Variants in ELP4 observed in about 807,000 individuals in gnomAD.
ELP4 encodes elongator acetyltransferase complex subunit 4, also known as elongator complex protein 4.
In ELP4, 51 loss-of-function variants were observed where a neutral mutation model predicts 48.9. The observed-to-expected ratio is 1.04, with a 90% CI of 0.83 to 1.32. The LOEUF (loss-of-function observed/expected upper bound fraction) is 1.32, where lower values mean the gene tolerates loss of function less well. Ranked by LOEUF, ELP4 falls within the 40% of genes most tolerant of loss-of-function variation. The pLI is 0.00. For synonymous variants in ELP4, 210 were observed against 189.2 expected (o/e 1.11, Z -0.90); for missense variants, 519 against 514.6 (o/e 1.01, Z -0.08).
intron 9 of ELP4, among the ~76,000 whole-genome samples, chr11:31,744,296 C>G (rs1442110457): frequency 6.6e-6 from 1 of 152,132 alleles, no homozygotes; most frequent in Admixed American, 6.5e-5. Flanking sequence ...GATTCACAGC[C>G]GAATTCTACC....
chr11:31,542,372 G>C (rs895110569), intron 3 of ELP4, among the ~76,000 whole-genome samples: 1 of 152,182 alleles, frequency 6.6e-6, no homozygotes, highest in Non-Finnish European at 1.5e-5. Context: ...TCTGCATAGG[G>C]TCGGTCTCCC....
rs1004433128 is a variant in ELP4 at position 31,788,001 on chromosome 11, G to A, written c.*4477G>A. ...TAATCTAGACTGCCAGAACCCCCAGGCTTTTTAGTGAAGTTTGCAGAGGAA... is the reference window on the plus strand; with the variant it reads ...TAATCTAGACTGCCAGAACCCCCAGACTTTTTAGTGAAGTTTGCAGAGGAA... On this transcript the variant is annotated 3_prime_UTR_variant, in exon 10 of 10. Transcript: ENST00000640961. The A allele has an allele frequency of 9.0e-6, 2 of 221,470 alleles. No homozygotes were observed. The highest frequency in any genetic ancestry group is 5.8e-5 in the Admixed American group (1 of 17,376). The allele number at this position is 221,470 out of a possible 1,614,324, so 13.7% of individuals were successfully genotyped here.
At chr11:31,629,526 A>G (rs923034395) in intron 6 of ELP4, among the ~76,000 whole-genome samples, 1 of 151,988 alleles carries the variant, frequency 6.6e-6, no homozygotes, top group Non-Finnish European at 1.5e-5. Flanking sequence ...TAATATTTTC[A>G]TTCACTTGAT....
chr11:31,718,188 T>C (rs1946881626), intron 9 of ELP4, among the ~76,000 whole-genome samples: 1 of 152,226 alleles, frequency 6.6e-6, no homozygotes, highest in African/African-American at 2.4e-5. Flanking sequence ...TAGCTAGAAC[T>C]CACAAACATG....
chr11:31,694,840 C>G lies in ELP4; in HGVS notation c.1143+44619C>G, dbSNP rs569049513. 2.0e-5 allele frequency among the ~76,000 whole-genome samples: 3 copies of G among 152,204 alleles called. No homozygotes were observed. The East Asian group carries it at 5.8e-4, about 29-fold the overall frequency. On this transcript the variant is annotated intron_variant, in intron 9 of 9. Transcript: ENST00000640961. ...TTTTATCCTTTTTTATTTCATTGAG[C>G]AGTGGTTTGTAGTTCTCCTTGAAGA...
At chr11:31,761,215 G>A (rs1201971834) in intron 9 of ELP4, among the ~76,000 whole-genome samples, 1 of 152,014 alleles carries the variant, frequency 6.6e-6, no homozygotes, top group Non-Finnish European at 1.5e-5. Flanking sequence ...GCACACACTT[G>A]TGGTCCCAGC....
intron 7 of ELP4, chr11:31,647,403 T>A (rs1945224629): frequency 5.1e-6 from 1 of 195,420 alleles, no homozygotes; most frequent in Non-Finnish European, 1.0e-5. Flanking sequence ...TGAAAAATAA[T>A]CATGTATGAG....
At chr11:31,573,167 A>T (rs1166040700) in intron 3 of ELP4, among the ~76,000 whole-genome samples, 3 of 152,188 alleles carry the variant, frequency 2.0e-5, no homozygotes, top group Non-Finnish European at 4.4e-5. Flanking sequence ...CACCACCATA[A>T]TCATAACATA....
intron 9 of ELP4, among the ~76,000 whole-genome samples, chr11:31,772,925 G>A (rs1326549914): frequency 6.6e-6 from 1 of 152,208 alleles, no homozygotes; most frequent in Non-Finnish European, 1.5e-5. Context: ...CTTTAGCCCA[G>A]TTTGTAGCAC....
chr11:31,513,775 A>C (rs1956054205), intron 1 of ELP4, among the ~76,000 whole-genome samples: 1 of 152,228 alleles, frequency 6.6e-6, no homozygotes, highest in Non-Finnish European at 1.5e-5. Flanking sequence ...AATTGAAATA[A>C]CAACAAAAGC....
intron 9 of ELP4, among the ~76,000 whole-genome samples, chr11:31,730,979 A>C (rs918621517): frequency 2.0e-5 from 3 of 152,186 alleles, no homozygotes; most frequent in Non-Finnish European, 4.4e-5. Flanking sequence ...TGAAAAAAAA[A>C]AAGAAGCCAG....
At chr11:31,693,307 C>G (rs1021091926) in intron 9 of ELP4, among the ~76,000 whole-genome samples, 1 of 152,036 alleles carries the variant, frequency 6.6e-6, no homozygotes, top group Admixed American at 6.6e-5. Flanking sequence ...AACCCTCCCC[C>G]CTTCCCCCAA....
At chr11:31,588,649 A>C (rs1957517131) in intron 3 of ELP4, among the ~76,000 whole-genome samples, 1 of 152,224 alleles carries the variant, frequency 6.6e-6, no homozygotes, top group African/African-American at 2.4e-5. Context: ...TGTTTTTCAA[A>C]ATGATGAAAT....
chr11:31,593,890 G>GTT (rs575080858), intron 3 of ELP4, among the ~76,000 whole-genome samples: 20 of 152,216 alleles, frequency 1.3e-4, no homozygotes, highest in Admixed American at 1.2e-3. Context: ...CATATTAACA[G>GTT]TTAATGTGTT....
chr11:31,708,695 G>C (rs1946682254), intron 9 of ELP4, among the ~76,000 whole-genome samples: 1 of 152,008 alleles, frequency 6.6e-6, no homozygotes. Context: ...TAAGAAAGTT[G>C]AGCAGTAAAT....
rs541022955 is a variant in ELP4 at position 31,786,907 on chromosome 11, C to T, written c.*3383C>T. 26 of 219,400 alleles carry T rather than the reference C, an allele frequency of 1.2e-4. No homozygotes were observed. Among genetic ancestry groups the T allele is most frequent in the African/African-American group, 5.4e-4 (24 of 44,674 alleles). The allele number at this position is 219,400 out of a possible 1,614,324, so 13.6% of individuals were successfully genotyped here. A position where few individuals can be genotyped will look rare whatever the true frequency, so the allele number is the denominator to read the frequency against. ...GTCAAGTTTGGAGAAAAAATTTAGACGTTTAGTCCTGGGATTCTACTGAAG... is the reference window on the plus strand; with the variant it reads ...GTCAAGTTTGGAGAAAAAATTTAGATGTTTAGTCCTGGGATTCTACTGAAG... On this transcript the variant is annotated 3_prime_UTR_variant, in exon 10 of 10. Coordinates refer to ENST00000640961, the MANE Select transcript of ELP4 (RefSeq NM_019040.5).
At chr11:31,560,693 T>C (rs1308534871) in intron 3 of ELP4, among the ~76,000 whole-genome samples, 1 of 147,740 alleles carries the variant, frequency 6.8e-6, no homozygotes, top group Non-Finnish European at 1.5e-5. Flanking sequence ...CATTGTTTTA[T>C]ATATATATAA....
chr11:31,612,663 A>G (rs1007739132), intron 5 of ELP4, among the ~76,000 whole-genome samples: 4 of 152,224 alleles, frequency 2.6e-5, no homozygotes, highest in African/African-American at 4.8e-5. Flanking sequence ...TAGATTTACT[A>G]ATCTTAATAG....
intron 3 of ELP4, among the ~76,000 whole-genome samples, chr11:31,572,686 A>T (rs1258957148): frequency 6.6e-6 from 1 of 152,104 alleles, no homozygotes; most frequent in Non-Finnish European, 1.5e-5. Flanking sequence ...ATGTTGCTGA[A>T]TTGTATATTA....
Sources: allele counts gnomAD v4.1 joint callset (sites outside exome capture counted in the v4.1 genomes callset), GRCh38; gene constraint gnomAD v4.1.1; transcripts MANE v1.5; gene names NCBI Gene and HGNC (gene_info 2026-07-23, HGNC 2026-07-21).